Variants in PET117 observed in about 807,000 individuals in gnomAD.
PET117 encodes PET117 cytochrome c oxidase chaperone, also known as protein PET117 homolog, mitochondrial.
PET117 carries 10 observed loss-of-function variants against 9.2 expected under a neutral mutation model. The ratio of observed to expected loss-of-function variants is 1.09; its 90% confidence interval spans 0.67 to 1.85. PET117 has a LOEUF of 1.85. Ranked by LOEUF, PET117 falls within the 40% of genes most tolerant of loss-of-function variation. The pLI is 0.00. For synonymous variants in PET117, 43 were observed against 37.1 expected, an observed-to-expected ratio of 1.16 and a Z score of -0.57; for missense variants, 96 against 98.2, an observed-to-expected ratio of 0.98 and a Z score of 0.09.
At chr20:18,140,608 G>A (rs1341544829) in intron 1 of PET117, among the ~76,000 whole-genome samples, 4 of 151,650 alleles carry the variant, frequency 2.6e-5, no homozygotes, top group Non-Finnish European at 5.9e-5. Context: ...TCAGGAGTTC[G>A]AGACCAGCCT....
intron 1 of PET117, among the ~76,000 whole-genome samples, chr20:18,140,152 G>A (rs2037475130): frequency 1.3e-5 from 2 of 152,220 alleles, no homozygotes; most frequent in African/African-American, 4.8e-5. Context: ...AGGTGTGGAA[G>A]GAATGATTCT....
chr20:18,142,173 G>A (rs1222363195), intron 1 of PET117, 35 bp from the exon 2 acceptor site: 16 of 1,529,096 alleles, frequency 1.0e-5, no homozygotes, highest in South Asian at 3.6e-5. Context: ...CCACCTGTTC[G>A]GGATGTTACT....
In PET117 at chr20:18,142,080, G is replaced by A. The variant is rs866369756; in HGVS notation, c.97-128G>A. ...TACATTTGTACAGAAAATTAAAATA[G>A]TAACTGGGTATTTGGAATCTGAAAG... On this transcript the variant is annotated intron_variant, in intron 1 of 1. Transcript: ENST00000432901. 5.7e-5 allele frequency: 54 copies of A among 952,272 alleles called. No homozygotes were observed. In the Middle Eastern group the frequency reaches 2.5e-3, roughly 43 times the overall value. 59.0% of individuals were successfully genotyped at this position (952,272 alleles called of 1,614,324 possible). A position where few individuals can be genotyped will look rare whatever the true frequency, so the allele number is the denominator to read the frequency against.
chr20:18,138,205 G>C, intron 1 of PET117, 154 bp downstream of exon 1: 5 of 1,268,588 alleles, frequency 3.9e-6, no homozygotes, highest in Non-Finnish European at 5.0e-6. Flanking sequence ...GGCTGCGGCC[G>C]GCGGCCGCTC....
At chr20:18,138,648 T>TCCATA in intron 1 of PET117, 1 of 194,110 alleles carries the variant, frequency 5.2e-6, no homozygotes, top group Non-Finnish European at 9.4e-6. Flanking sequence ...ATGAACAGTT[T>TCCATA]GCTATGGAAA....
At chr20:18,138,246 G>T in intron 1 of PET117, 195 bp downstream of exon 1, 2 of 1,241,650 alleles carry the variant, frequency 1.6e-6, no homozygotes, top group African/African-American at 1.6e-5. Flanking sequence ...AGCTCCCGGC[G>T]GGCGTGTGCA....
At position 18,142,235 on chromosome 20, in the gene PET117, AT is replaced by A. The variant is rs965482014; in HGVS notation, c.126del (p.Ile42MetfsTer20). ...QRLRDGVIRD[I>X]ERQIRKKENI... ...GCTTCGTGACGGAGTTATCAGAGAC[AT>A]TGAGAGGCAAATTCGGAAAAAAGAA... On this transcript the variant is annotated frameshift_variant, in exon 2 of 2. Coordinates refer to ENST00000432901, the MANE Select transcript of PET117 (RefSeq NM_001164811.2). LOFTEE classifies it high-confidence loss of function. The A allele has an allele frequency of 2.6e-6, 4 of 1,537,134 alleles. No homozygotes were observed. In the African/African-American group the frequency reaches 5.5e-5, roughly 21 times the overall value.
Position 18,142,984 on chromosome 20 carries a change from TGAAA to T in PET117, c.*632_*635del, listed in dbSNP as rs1158873803. ...TGTGAAGGTTTGTTTTTCCAACCTGTGAAAGAAACGTGAATGTAAAAGAGACCTA... is the reference window on the plus strand; with the variant it reads ...TGTGAAGGTTTGTTTTTCCAACCTGTGAAACGTGAATGTAAAAGAGACCTA... On this transcript the variant is annotated 3_prime_UTR_variant, in exon 2 of 2. Transcript: ENST00000432901. The T allele has an allele frequency of 3.2e-6, 5 of 1,579,554 alleles. No individual in the cohort carries two copies. Among genetic ancestry groups the T allele is most frequent in the Non-Finnish European group, 4.3e-6 (5 of 1,158,296 alleles).
chr20:18,138,047 A>G lies in PET117; in HGVS notation c.92A>G (p.Gln31Arg), dbSNP rs1018900682. The G allele has an allele frequency of 1.0e-5, 15 of 1,484,124 alleles. No individual in the cohort carries two copies. The highest frequency in any genetic ancestry group is 1.1e-5 in the Non-Finnish European group (12 of 1,123,782). 91.9% of individuals were successfully genotyped at this position (1,484,124 alleles called of 1,614,324 possible). A position where few individuals can be genotyped will look rare whatever the true frequency, so the allele number is the denominator to read the frequency against. Residue 31 changes from glutamine (Q) to arginine (R), a missense_variant, in exon 1 of 2, where the codon CAG (glutamine) becomes CGG (arginine). Gln to Arg is a conservative substitution (Grantham distance 43). Coordinates refer to ENST00000432901, the MANE Select transcript of PET117 (RefSeq NM_001164811.2). The stretch of plus-strand genomic sequence containing the variant: ...GTACATGTGAAGCAGCAGTGGGACC[A>G]GCAGGTCGGTGTCACGTGACCGTCT... ...AGVHVKQQWD[Q>R]QRLRDGVIRD...
intron 1 of PET117, among the ~76,000 whole-genome samples, chr20:18,139,261 G>A (rs1266149366): frequency 2.6e-5 from 4 of 152,196 alleles, no homozygotes; most frequent in Non-Finnish European, 5.9e-5. Context: ...TTGGAATAGA[G>A]GCAGAAGACT....
chr20:18,139,365 A>C lies in PET117; in HGVS notation c.96+1314A>C, dbSNP rs576233247. ...ATGACAGATGATCTGACGTCAGTGA[A>C]GTGATGTTTGAAGGGTTTGGGTAGG... On this transcript the variant is annotated intron_variant, in intron 1 of 1. Coordinates refer to ENST00000432901, the MANE Select transcript of PET117 (RefSeq NM_001164811.2). 2.1e-4 allele frequency among the ~76,000 whole-genome samples: 32 copies of C among 152,314 alleles called. No homozygotes were observed. In the South Asian group the frequency reaches 6.0e-3, roughly 29 times the overall value.
At chr20:18,138,241 C>T (rs1032644924) in intron 1 of PET117, 190 bp downstream of exon 1, 16 of 1,243,972 alleles carry the variant, frequency 1.3e-5, no homozygotes, top group Non-Finnish European at 1.6e-5. Context: ...GCTGCAGCTC[C>T]CGGCGGGCGT....
Position 18,142,497 on chromosome 20 carries a change from T to C in PET117, c.*140T>C. 1 of 1,457,518 alleles carries C rather than the reference T, an allele frequency of 6.9e-7. No homozygotes were observed. Among genetic ancestry groups the C allele is most frequent in the Non-Finnish European group, 9.0e-7 (1 of 1,108,866 alleles). The allele number at this position is 1,457,518 out of a possible 1,614,324, so 90.3% of individuals were successfully genotyped here. A position where few individuals can be genotyped will look rare whatever the true frequency, so the allele number is the denominator to read the frequency against. ...ATCAAATAAAGGACAGTGGGTCATA[T>C]AAGTTACTGCTTTCAGGGTCCCTTA... On this transcript the variant is annotated 3_prime_UTR_variant, in exon 2 of 2. Coordinates refer to ENST00000432901, the MANE Select transcript of PET117 (RefSeq NM_001164811.2).
chr20:18,139,564 A>G (rs6045213), intron 1 of PET117, among the ~76,000 whole-genome samples: 57,328 of 151,774 alleles, frequency 0.38, 11,239 homozygotes, highest in East Asian at 0.54. Flanking sequence ...TTAACACAGG[A>G]CTAAGCACCA....
At chr20:18,141,047 A>ATTT (rs59461611) in intron 1 of PET117, among the ~76,000 whole-genome samples, 4,319 of 92,890 alleles carry the variant, frequency 0.046, 201 homozygotes, top group African/African-American at 0.11. Flanking sequence ...TTTTTTTTTT[A>ATTT]TTTTTATTTT....
At chr20:18,139,154 C>T (rs1308618972) in intron 1 of PET117, among the ~76,000 whole-genome samples, 3 of 152,082 alleles carry the variant, frequency 2.0e-5, no homozygotes, top group Non-Finnish European at 4.4e-5. Flanking sequence ...TGTGATGGTA[C>T]AAGAATTTTG....
chr20:18,142,565 C>G lies in PET117; in HGVS notation c.*208C>G, dbSNP rs2037626853. 14 of 1,542,748 alleles carry G rather than the reference C, an allele frequency of 9.1e-6. No homozygotes were observed. The highest frequency in any genetic ancestry group is 1.2e-5 in the Non-Finnish European group (14 of 1,143,244). ...GTGGGCAGACACTTTTTGGAAGAGT[C>G]TGTCTGGGTGATCCTGGTAGAAGCC... is the stretch of plus-strand genomic sequence containing the variant. On this transcript the variant is annotated 3_prime_UTR_variant, in exon 2 of 2. Coordinates refer to ENST00000432901, the MANE Select transcript of PET117 (RefSeq NM_001164811.2).
rs746500595 is a variant in PET117, at chr20:18,142,681, G to A, written c.*324G>A. 2 of 1,614,064 alleles carry A rather than the reference G, an allele frequency of 1.2e-6. No homozygotes were observed. Among genetic ancestry groups the A allele is most frequent in the African/African-American group, 1.3e-5 (1 of 74,916 alleles). On this transcript the variant is annotated 3_prime_UTR_variant, in exon 2 of 2. Coordinates refer to ENST00000432901, the MANE Select transcript of PET117 (RefSeq NM_001164811.2). The stretch of plus-strand genomic sequence containing the variant: ...AAGGGATGGATAGTAGCATCCACCT[G>A]AGTAGTCTGATCAGTCGGCATGATG...
intron 1 of PET117, 181 bp downstream of exon 1, chr20:18,138,232 CTGCAGCTCCCGGCGGGCGTG>C: frequency 3.2e-6 from 4 of 1,250,498 alleles, no homozygotes; most frequent in Non-Finnish European, 3.0e-6. Flanking sequence ...GCTCCGGGCG[CTGCAGCTCCCGGCGGGCGTG>C]TGCAGCCCGC....
Sources: gnomAD v4.1 joint callset for allele counts (sites outside exome capture counted in the v4.1 genomes callset) on GRCh38, gnomAD v4.1.1 for gene constraint, MANE v1.5 for transcripts, NCBI Gene and HGNC (gene_info 2026-07-23, HGNC 2026-07-21) for gene names.